The following SCUBE3 variants were observed in gnomAD, a reference collection of about 807,000 sequenced individuals.
SCUBE3 encodes the protein signal peptide, CUB and EGF-like domain-containing protein 3.
SCUBE3 carries 33 observed loss-of-function variants against 116.8 expected under a neutral mutation model. That is an observed-to-expected ratio of 0.28 (90% CI 0.21 to 0.38). SCUBE3 has a LOEUF of 0.38. Ranked by LOEUF, SCUBE3 falls within the 10% of genes least tolerant of loss-of-function variation. The probability of loss-of-function intolerance (pLI) is 1.00; values close to 1 mark genes in which losing one functional copy is unlikely to be tolerated. For missense variants in SCUBE3, 1,007 were observed against 1,324.8 expected (o/e 0.76, Z 3.72); for synonymous variants, 418 against 496.9 (o/e 0.84, Z 2.11).
At chr6:35,236,807 C>A (rs567661847) in intron 6 of SCUBE3, among the ~76,000 whole-genome samples, 1 of 152,342 alleles carries the variant, frequency 6.6e-6, no homozygotes, top group Admixed American at 6.5e-5. Flanking sequence ...TCTTGGGATT[C>A]TTTCTCTCTA....
intron 1 of SCUBE3, chr6:35,220,351 T>C (rs2150283949): frequency 6.6e-6 from 1 of 152,356 alleles, no homozygotes; most frequent in East Asian, 1.9e-4. Flanking sequence ...ATGAAAAAAC[T>C]GTACACTTAG....
intron 1 of SCUBE3, chr6:35,222,564 G>A (rs576099792): frequency 1.3e-5 from 2 of 152,344 alleles, no homozygotes; most frequent in African/African-American, 2.4e-5. Context: ...GCTTGTCTAT[G>A]GTATCTGTGC....
chr6:35,216,066 C>G (rs554921497), intron 1 of SCUBE3, among the ~76,000 whole-genome samples: 2 of 152,334 alleles, frequency 1.3e-5, no homozygotes, highest in Non-Finnish European at 2.9e-5. Flanking sequence ...AGATAAGGGC[C>G]TCTTTCAAGT....
Position 35,227,721 on chromosome 6 carries a change from C to G in SCUBE3, c.208+19C>G. The G allele has an allele frequency of 1.2e-6, 2 of 1,613,788 alleles. No homozygotes were observed. Among genetic ancestry groups the G allele is most frequent in the Non-Finnish European group, 8.5e-7 (1 of 1,179,874 alleles). On this transcript the variant is annotated intron_variant, in intron 2 of 21. Coordinates refer to ENST00000274938, the MANE Select transcript of SCUBE3 (RefSeq NM_152753.4). ...TGCAAAGGTGAGGCTGGAAGGGCAC[C>G]TGGAGGAGAGGGACCTGTGGAAGAA...
At chr6:35,216,163 C>G (rs1477419107) in intron 1 of SCUBE3, among the ~76,000 whole-genome samples, 4 of 152,206 alleles carry the variant, frequency 2.6e-5, no homozygotes, top group Non-Finnish European at 2.9e-5. Context: ...CAGATGGAGA[C>G]CCCTCCAAGG....
Position 35,241,240 on chromosome 6 carries a change from T to C in SCUBE3, c.1169T>C (p.Leu390Pro), listed in dbSNP as rs146472966. 724 of 1,598,950 alleles carry C rather than the reference T, an allele frequency of 4.5e-4. No individual in the cohort carries two copies. The highest frequency in any genetic ancestry group is 9.2e-4 in the Admixed American group (55 of 59,508). The change falls in exon 10 of 22, where the codon CTG (leucine) becomes CCG (proline). Residue 390 changes from leucine to proline, a missense_variant. Leu to Pro is a moderately conservative substitution (Grantham distance 98). Transcript: ENST00000274938. The surrounding 1 kb of genome is among the most constrained non-coding windows in gnomAD (Gnocchi z 4.1). Reference protein sequence around the residue: ...QCTCPAGQGRLHWNGKDCTEP... With the variant: ...QCTCPAGQGRPHWNGKDCTEP... ...ACCTGCCCAGCAGGCCAGGGTCGGC[T>C]GCACTGGAATGGCAAAGATTGCACA...
rs757566158 is a variant in SCUBE3 at position 35,227,707 on chromosome 6, G to A, written c.208+5G>A. On this transcript the variant is annotated splice_donor_5th_base_variant and intron_variant, in intron 2 of 21. Transcript: ENST00000274938. Reference sequence around the variant, plus strand: ...GGGACGGCAAACACTGCAAAGGTGAGGCTGGAAGGGCACCTGGAGGAGAGG... The same window carrying A: ...GGGACGGCAAACACTGCAAAGGTGAAGCTGGAAGGGCACCTGGAGGAGAGG... 1 of 1,614,082 alleles carries A rather than the reference G, an allele frequency of 6.2e-7. No individual in the cohort carries two copies. Among genetic ancestry groups the A allele is most frequent in the East Asian group, 2.2e-5 (1 of 44,888 alleles).
rs1156236523 is a variant in SCUBE3 at position 35,243,601 on chromosome 6, C to T, written c.1917C>T (p.Cys639=). The change falls in exon 16 of 22, where the codon TGC becomes TGT. Residue 639 remains cysteine (C), a synonymous_variant. Coordinates refer to ENST00000274938, the MANE Select transcript of SCUBE3 (RefSeq NM_152753.4). This position sits in a 1 kb window ranked among gnomAD's most constrained non-coding sequence, Gnocchi z 6.6. ...CGGCCGACTCTCCCTCAGTCAGCTG[C>T]CCGCAGGGAACGTATTACCACGGCC... The part of the protein sequence containing the change: ...QHRAGTKCVS[C]PQGTYYHGQT... The T allele has an allele frequency of 6.2e-7, 1 of 1,607,798 alleles. No homozygotes were observed. The highest frequency in any genetic ancestry group is 8.5e-7 in the Non-Finnish European group (1 of 1,175,686).
chr6:35,230,773 CAG>C (rs1404677367), intron 3 of SCUBE3, among the ~76,000 whole-genome samples: 1 of 152,210 alleles, frequency 6.6e-6, no homozygotes, highest in Non-Finnish European at 1.5e-5. Flanking sequence ...AGGATCTCAG[CAG>C]AGAGGATGGG....
rs1323134804 is a variant in SCUBE3, at chr6:35,240,164, G to C, written c.953-210G>C. ...GGTGGGCCCTGACCTAAAGGCACCA[G>C]ATCTTGCAGTTCCTAATTCCAAGGA... On this transcript the variant is annotated intron_variant, in intron 8 of 21. Coordinates refer to ENST00000274938, the MANE Select transcript of SCUBE3 (RefSeq NM_152753.4). The surrounding 1 kb of genome is among the most constrained non-coding windows in gnomAD (Gnocchi z 4.6). Among the ~76,000 whole-genome samples, 1 of 152,168 alleles carries C rather than the reference G, an allele frequency of 6.6e-6. No individual in the cohort carries two copies. Among genetic ancestry groups the C allele is most frequent in the Non-Finnish European group, 1.5e-5 (1 of 68,038 alleles).
chr6:35,223,965 A>G (rs975276008), intron 1 of SCUBE3: 1 of 152,246 alleles, frequency 6.6e-6, no homozygotes, highest in Non-Finnish European at 1.5e-5. Flanking sequence ...AACACGCTTT[A>G]AAGTATTAGC....
Position 35,243,629 on chromosome 6 carries a change from A to C in SCUBE3, c.1945A>C (p.Thr649Pro), listed in dbSNP as rs202088684. ...CPQGTYYHGQ[T>P]EQCVPCPAGT... ...GCAGGGAACGTATTACCACGGCCAGACGGAGCAGTGTGTGCCATGCCCAGC... is the reference window on the plus strand; with the variant it reads ...GCAGGGAACGTATTACCACGGCCAGCCGGAGCAGTGTGTGCCATGCCCAGC... Residue 649 changes from threonine to proline, a missense_variant, in exon 16 of 22, where the codon ACG becomes CCG. Physicochemically the swap from Thr to Pro is conservative, Grantham distance 38. This residue lies in a region of SCUBE3 where 544 missense variants were observed against 638.9 expected (regional missense o/e 0.85). Coordinates refer to ENST00000274938, the MANE Select transcript of SCUBE3 (RefSeq NM_152753.4). This position sits in a 1 kb window ranked among gnomAD's most constrained non-coding sequence, Gnocchi z 6.6. 5.6e-5 allele frequency: 91 copies of C among 1,614,034 alleles called. No individual in the cohort carries two copies. In the Admixed American group the frequency reaches 1.5e-3, roughly 27 times the overall value.
intron 2 of SCUBE3, 101 bp downstream of exon 2, chr6:35,227,803 A>C: frequency 4.3e-6 from 5 of 1,164,614 alleles, no homozygotes; most frequent in East Asian, 5.2e-5. Flanking sequence ...AAGGCTAGAA[A>C]TTCCACTGGT....
At position 35,243,371 on chromosome 6, in the gene SCUBE3, CT is replaced by C; in HGVS notation, c.1909+137del. ...AGGATGCTCCTGCCCGCTGTCCTCC[CT>C]TCCTTGGTTCCAGGCTGAAATCTAG... On this transcript the variant is annotated intron_variant, in intron 15 of 21. Coordinates refer to ENST00000274938, the MANE Select transcript of SCUBE3 (RefSeq NM_152753.4). The surrounding 1 kb of genome is among the most constrained non-coding windows in gnomAD (Gnocchi z 6.6). 1.1e-6 allele frequency: 1 copy of C among 894,012 alleles called. No individual in the cohort carries two copies. The highest frequency in any genetic ancestry group is 1.7e-6 in the Non-Finnish European group (1 of 581,918). 55.4% of individuals were successfully genotyped at this position (894,012 alleles called of 1,614,324 possible). A position where few individuals can be genotyped will look rare whatever the true frequency, so the allele number is the denominator to read the frequency against.
chr6:35,236,261 G>A (rs1031678146), intron 6 of SCUBE3, among the ~76,000 whole-genome samples: 1 of 152,154 alleles, frequency 6.6e-6, no homozygotes, highest in Non-Finnish European at 1.5e-5. Context: ...GCCCCACCCT[G>A]CTCTCAAGAA....
Position 35,237,965 on chromosome 6 carries a change from A to C in SCUBE3, c.776A>C (p.His259Pro). The C allele has an allele frequency of 6.2e-7, 1 of 1,612,980 alleles. No homozygotes were observed. The change falls in exon 7 of 22, where the codon CAC becomes CCC. Residue 259 changes from histidine (H) to proline (P), a missense_variant. By Grantham distance (77) the His-to-Pro change is moderately conservative. Coordinates refer to ENST00000274938, the MANE Select transcript of SCUBE3 (RefSeq NM_152753.4). Reference protein sequence around the residue: ...SKCHDAATGVHCTCPVGFMLQ... With the variant: ...SKCHDAATGVPCTCPVGFMLQ... ...TGCCATGATGCAGCGACTGGTGTCC[A>C]CTGCACCTGCCCTGTGGGCTTCATG...
chr6:35,240,284 A>G lies in SCUBE3; in HGVS notation c.953-90A>G. The G allele has an allele frequency of 1.5e-6, 1 of 683,506 alleles. No individual in the cohort carries two copies. The highest frequency in any genetic ancestry group is 2.5e-6 in the Non-Finnish European group (1 of 402,536). The allele number at this position is 683,506 out of a possible 1,614,324, so 42.3% of individuals were successfully genotyped here. A position where few individuals can be genotyped will look rare whatever the true frequency, so the allele number is the denominator to read the frequency against. On this transcript the variant is annotated intron_variant, in intron 8 of 21. Transcript: ENST00000274938. This position sits in a 1 kb window ranked among gnomAD's most constrained non-coding sequence, Gnocchi z 4.6. ...ATAGGAACTCTTCAGTTCAAGGGGG[A>G]AAGCCAAGGCCCCTCACTTGGGTCC...
Position 35,243,140 on chromosome 6 carries a change from T to C in SCUBE3, c.1813T>C (p.Tyr605His). The stretch of plus-strand genomic sequence containing the variant: ...CCTGCTGCGCCTGGCAGGCCTTGAT[T>C]ATGAGCTGGCCCACAAGCCGGGCCT... ...RFLLRLAGLD[Y>H]ELAHKPGLVA... Residue 605 changes from tyrosine to histidine, a missense_variant, in exon 15 of 22, where the codon TAT (tyrosine) becomes CAT (histidine). Physicochemically the swap from Tyr to His is moderately conservative, Grantham distance 83 (BLOSUM62 2). Transcript: ENST00000274938. The surrounding 1 kb of genome is among the most constrained non-coding windows in gnomAD (Gnocchi z 6.6). The C allele has an allele frequency of 6.2e-7, 1 of 1,614,178 alleles. No individual in the cohort carries two copies. Among genetic ancestry groups the C allele is most frequent in the Non-Finnish European group, 8.5e-7 (1 of 1,180,024 alleles).
intron 3 of SCUBE3, among the ~76,000 whole-genome samples, chr6:35,229,034 A>G (rs1321778107): frequency 6.6e-6 from 1 of 152,068 alleles, no homozygotes; most frequent in Non-Finnish European, 1.5e-5. Flanking sequence ...CTCCACACAG[A>G]TATCTTGGTT....
Sources: gnomAD v4.1 joint callset for allele counts (sites outside exome capture counted in the v4.1 genomes callset) on GRCh38, gnomAD v4.1.1 for gene constraint, gnomAD v4.1.1 regional missense constraint, Gnocchi (gnomAD v3.1) non-coding constraint, MANE v1.5 for transcripts, NCBI Gene and HGNC (gene_info 2026-07-23, HGNC 2026-07-21) for gene names.